ATAD3B: variants seen among roughly 807,000 people sequenced by gnomAD.
ATAD3B encodes the protein ATPase family AAA domain containing 3B.
ATAD3B carries 59 observed loss-of-function variants against 70.2 expected under a neutral mutation model. The observed-to-expected ratio is 0.84, with a 90% CI of 0.68 to 1.04. ATAD3B has a LOEUF of 1.04. Ranked by LOEUF, ATAD3B falls within the 50% of genes least tolerant of loss-of-function variation. ATAD3B has a pLI of 0.00. For missense variants in ATAD3B, 961 were observed against 913.4 expected (o/e 1.05, Z -0.67); for synonymous variants, 423 against 388.6 (o/e 1.09, Z -1.04).
downstream of ATAD3B, among the ~76,000 whole-genome samples, chr1:1,499,182 A>T (rs1298186099): frequency 6.6e-6 from 1 of 151,072 alleles, no homozygotes; most frequent in Non-Finnish European, 1.5e-5. Flanking sequence ...CGTGTTAGCC[A>T]GGATGGTCTC....
At position 1,478,296 on chromosome 1, in the gene ATAD3B, C is replaced by T. The variant is rs1204783638; in HGVS notation, c.283-348C>T. 9 of 929,862 alleles carry T rather than the reference C, an allele frequency of 9.7e-6. No individual in the cohort carries two copies. In the African/African-American group the frequency reaches 1.3e-4, roughly 14 times the overall value. The allele number at this position is 929,862 out of a possible 1,614,324, so 57.6% of individuals were successfully genotyped here. A position where few individuals can be genotyped will look rare whatever the true frequency, so the allele number is the denominator to read the frequency against. The stretch of plus-strand genomic sequence containing the variant: ...ATAGGCAAGAGCGATGGCGCCCGGC[C>T]CACTCAGCAGGATTCCTAGAATGGG... On this transcript the variant is annotated intron_variant, in intron 2 of 15. Transcript: ENST00000673477.
At position 1,495,577 on chromosome 1, in the gene ATAD3B, G is replaced by T. The variant is rs753489353; in HGVS notation, c.1707G>T (p.Met569Ile). Reference sequence around the variant, plus strand: ...CTGTCCAGCAGTACCGACAGAAGATGCGCTGGCTGAAGGCGGAGGGGCCTG... The same window carrying T: ...CTGTCCAGCAGTACCGACAGAAGATTCGCTGGCTGAAGGCGGAGGGGCCTG... Reference protein sequence around the residue: ...QDAVQQYRQKMRWLKAEGPGR... With the variant: ...QDAVQQYRQKIRWLKAEGPGR... Residue 569 changes from methionine (M) to isoleucine (I), a missense_variant, in exon 16 of 16, where the codon ATG becomes ATT. Transcript: ENST00000673477. 5 of 1,613,154 alleles carry T rather than the reference G, an allele frequency of 3.1e-6. No homozygotes were observed. The African/African-American group carries it at 6.7e-5, about 22-fold the overall frequency.
At position 1,494,258 on chromosome 1, in the gene ATAD3B, T is replaced by C. The variant is rs545396743; in HGVS notation, c.1615-1227T>C. 1.2e-4 allele frequency among the ~76,000 whole-genome samples: 18 copies of C among 152,088 alleles called. No individual in the cohort carries two copies. In the East Asian group the frequency reaches 2.9e-3, roughly 24 times the overall value. ...GGCTCCTGCCAGGTCCCGTGCTTCC[T>C]GGAGGGGTGGCCCTGTGAGCATCTG... is the stretch of plus-strand genomic sequence containing the variant. On this transcript the variant is annotated intron_variant, in intron 15 of 15. Coordinates refer to ENST00000673477, the MANE Select transcript of ATAD3B (RefSeq NM_031921.6).
chr1:1,486,145 A>G lies in ATAD3B; in HGVS notation c.999A>G (p.Ile333Met), dbSNP rs1471997024. The change falls in exon 10 of 16, where the codon ATA becomes ATG. Residue 333 changes from isoleucine to methionine, a missense_variant. This residue lies in a region of ATAD3B where 349 missense variants were observed against 307.5 expected (regional missense o/e 1.14). Coordinates refer to ENST00000673477, the MANE Select transcript of ATAD3B (RefSeq NM_031921.6). ...SLEARVRDIA[I>M]ATRNTKKNRG... ...AAGCACGGGTGCGCGACATCGCCAT[A>G]GCAACCAGGAACACCAAGAAGAACC... 5 of 1,613,216 alleles carry G rather than the reference A, an allele frequency of 3.1e-6. No individual in the cohort carries two copies. Among genetic ancestry groups the G allele is most frequent in the Admixed American group, 3.3e-5 (2 of 59,980 alleles).
At chr1:1,508,870 C>T in the ATAD3B span, among the ~76,000 whole-genome samples, 59 of 151,746 alleles carry the variant, frequency 3.9e-4, no homozygotes, top group Middle Eastern at 0.024. Flanking sequence ...TGCCTGGCCA[C>T]GGCTGAGACA....
chr1:1,499,204 C>T (rs144762725), downstream of ATAD3B, among the ~76,000 whole-genome samples: 3,416 of 151,146 alleles, frequency 0.023, 151 homozygotes, highest in African/African-American at 0.079. Context: ...ATCTCCTGAC[C>T]TCGTGATCCG....
chr1:1,502,169 G>T (rs928814683), downstream of ATAD3B, among the ~76,000 whole-genome samples: 1 of 151,548 alleles, frequency 6.6e-6, no homozygotes, highest in African/African-American at 2.4e-5. Context: ...ATGAGCCACC[G>T]CTGGCCTCTA....
In ATAD3B at chr1:1,495,970, G is replaced by A; in HGVS notation, c.*153G>A. 1.4e-6 allele frequency: 2 copies of A among 1,387,894 alleles called. No homozygotes were observed. The highest frequency in any genetic ancestry group is 1.9e-6 in the Non-Finnish European group (2 of 1,073,258). 86.0% of individuals were successfully genotyped at this position (1,387,894 alleles called of 1,614,324 possible). ...GGTGGGTGCTGGCTGAGCCCCTGGG[G>A]CAGAAGGAGTGGGGCAGGCGGGGTC... On this transcript the variant is annotated 3_prime_UTR_variant, in exon 16 of 16. Transcript: ENST00000673477.
At chr1:1,490,826 C>T (rs1316783724) in intron 15 of ATAD3B, among the ~76,000 whole-genome samples, 155 bp downstream of exon 15, 6 of 152,048 alleles carry the variant, frequency 3.9e-5, no homozygotes, top group Admixed American at 2.6e-4. Flanking sequence ...CTGCCTCAGT[C>T]GGGCCACTCC....
intron 6 of ATAD3B, 68 bp downstream of exon 6, chr1:1,482,371 G>T: frequency 3.2e-6 from 5 of 1,566,718 alleles, no homozygotes; most frequent in Admixed American, 1.8e-5. Flanking sequence ...TGGTCCCAGG[G>T]CGCTCTCCAG....
chr1:1,477,850 C>G (rs79272519), intron 2 of ATAD3B, among the ~76,000 whole-genome samples: 21,754 of 147,918 alleles, frequency 0.15, 4,205 homozygotes, highest in East Asian at 0.43. Flanking sequence ...GGATTACAGG[C>G]ACGCGCCACC....
In ATAD3B at chr1:1,472,044, G is replaced by A; in HGVS notation, c.160G>A (p.Gly54Ser). ...CAAATGGAGCAACTTCGACCCCACC[G>A]GCCTGGAGCGCGCCGCCAAGGCGGC... ...KDKWSNFDPT[G>S]LERAAKAARE... Residue 54 changes from glycine to serine, a missense_variant, in exon 1 of 16, where the codon GGC (glycine) becomes AGC (serine). Physicochemically the swap from Gly to Ser is moderately conservative, Grantham distance 56. This residue lies in a region of ATAD3B where 187 missense variants were observed against 244.3 expected (regional missense o/e 0.77). Transcript: ENST00000673477. The A allele has an allele frequency of 8.2e-7, 1 of 1,225,880 alleles. No individual in the cohort carries two copies. Among genetic ancestry groups the A allele is most frequent in the Non-Finnish European group, 1.0e-6 (1 of 983,388 alleles). The allele number at this position is 1,225,880 out of a possible 1,614,324, so 75.9% of individuals were successfully genotyped here. A position where few individuals can be genotyped will look rare whatever the true frequency, so the allele number is the denominator to read the frequency against.
At chr1:1,482,776 T>A in intron 7 of ATAD3B, 162 bp downstream of exon 7, 1 of 1,171,450 alleles carries the variant, frequency 8.5e-7, no homozygotes, top group Non-Finnish European at 1.2e-6. Flanking sequence ...TGCTCCTCCC[T>A]CCTTGAGCTG....
chr1:1,493,068 G>A (rs1235898016), intron 15 of ATAD3B, among the ~76,000 whole-genome samples: 1 of 151,976 alleles, frequency 6.6e-6, no homozygotes, highest in African/African-American at 2.4e-5. Context: ...CTAAGATCAC[G>A]CCACAGCACT....
intron 1 of ATAD3B, among the ~76,000 whole-genome samples, 176 bp from the exon 2 acceptor site, chr1:1,477,098 C>T (rs1272296639): frequency 4.0e-5 from 6 of 151,842 alleles, no homozygotes; most frequent in Non-Finnish European, 8.8e-5. Context: ...TAGCCTCTGC[C>T]TCCGGGGTTC....
chr1:1,501,428 T>A (rs377444625), downstream of ATAD3B, among the ~76,000 whole-genome samples: 422 of 152,256 alleles, frequency 2.8e-3, 2 homozygotes, highest in African/African-American at 9.5e-3. Flanking sequence ...CTAATTTTTT[T>A]ATATTTTTAG....
At chr1:1,484,621 C>T (rs915456539) in intron 7 of ATAD3B, 8 of 193,636 alleles carry the variant, frequency 4.1e-5, no homozygotes, top group African/African-American at 9.4e-5. Flanking sequence ...CCAGCCTAAA[C>T]GATTTTTAAA....
rs776219298 is a variant in ATAD3B, at chr1:1,485,130, T to A, written c.865T>A (p.Ser289Thr). 1.2e-6 allele frequency: 2 copies of A among 1,610,456 alleles called. No homozygotes were observed. Among genetic ancestry groups the A allele is most frequent in the East Asian group, 2.2e-5 (1 of 44,854 alleles). The change falls in exon 8 of 16, where the codon TCC becomes ACC. Residue 289 changes from serine to threonine, a missense_variant. Physicochemically the swap from Ser to Thr is moderately conservative, Grantham distance 58. Around this residue, in one of 4 missense-constraint regions of ATAD3B, gnomAD observed 349 missense variants for 307.5 expected, o/e 1.14. Coordinates refer to ENST00000673477, the MANE Select transcript of ATAD3B (RefSeq NM_031921.6). ...GAAGCCGTCCCTAGTGAGGGAGACG[T>A]CCCGCATCACGGTGCTGGAGGCGCT... ...LGKPSLVRET[S>T]RITVLEALRH... is the part of the protein sequence containing the mutation.
At chr1:1,483,649 G>C (rs781385210) in intron 7 of ATAD3B, 1 of 154,278 alleles carries the variant, frequency 6.5e-6, no homozygotes, top group Non-Finnish European at 1.4e-5. Flanking sequence ...GCACAGGTCT[G>C]TATTAGCTGA....
Sources: allele counts gnomAD v4.1 joint callset (sites outside exome capture counted in the v4.1 genomes callset), GRCh38; gene constraint gnomAD v4.1.1; regional missense constraint gnomAD v4.1.1; transcripts MANE v1.5; gene names NCBI Gene and HGNC (gene_info 2026-07-23, HGNC 2026-07-21).